LYPD1: variants seen among roughly 807,000 people sequenced by gnomAD.
The protein encoded by LYPD1 is LY6/PLAUR domain containing 1, also known as ly6/PLAUR domain-containing protein 1.
In LYPD1, 14 loss-of-function variants were observed where a neutral mutation model predicts 14.2. That is an observed-to-expected ratio of 0.99 (90% confidence interval 0.65 to 1.54). LYPD1 has a LOEUF of 1.54. LYPD1 is among the 40% of genes most tolerant of loss of function. The pLI is 0.00. For synonymous variants in LYPD1, 85 were observed against 70.6 expected (o/e 1.20, Z -1.02); for missense variants, 165 against 175.7 (o/e 0.94, Z 0.34).
In LYPD1 at chr2:132,668,450, G is replaced by C. The variant is rs758803868; in HGVS notation, c.140C>G (p.Thr47Arg). The change falls in exon 2 of 3, where the codon ACG becomes AGG. Residue 47 changes from threonine (T) to arginine (R), a missense_variant. Transcript: ENST00000397463. Reference protein sequence around the residue: ...CSSPEFIVNCTVNVQDMCQKE... With the variant: ...CSSPEFIVNCRVNVQDMCQKE... ...CTGACACATGTCTTGAACGTTCACC[G>C]TGCAATTCACAATGAACTCGGGGGA... is the stretch of plus-strand genomic sequence containing the variant. 6.2e-7 allele frequency: 1 copy of C among 1,610,206 alleles called. No homozygotes were observed. Among genetic ancestry groups the C allele is most frequent in the Non-Finnish European group, 8.5e-7 (1 of 1,178,338 alleles).
intron 2 of LYPD1, among the ~76,000 whole-genome samples, chr2:132,655,811 G>T (rs951266169): frequency 5.9e-5 from 9 of 152,150 alleles, no homozygotes; most frequent in Non-Finnish European, 1.3e-4. Context: ...ACCGCACCTG[G>T]CCAAGAAGCA....
At position 132,645,617 on chromosome 2, in the gene LYPD1, A is replaced by T; in HGVS notation, c.*428T>A. On this transcript the variant is annotated 3_prime_UTR_variant, in exon 3 of 3. Transcript: ENST00000397463. ...GAGCATGAAGTTTGAATGTCAAGCGAGGGAGCCTTGAGTGGGAACTGGCCC... is the reference window on the plus strand; with the variant it reads ...GAGCATGAAGTTTGAATGTCAAGCGTGGGAGCCTTGAGTGGGAACTGGCCC... 1 of 1,604,354 alleles carries T rather than the reference A, an allele frequency of 6.2e-7. No homozygotes were observed. The highest frequency in any genetic ancestry group is 8.5e-7 in the Non-Finnish European group (1 of 1,174,952).
At chr2:132,667,491 C>T (rs147984070) in intron 2 of LYPD1, among the ~76,000 whole-genome samples, 5 of 152,264 alleles carry the variant, frequency 3.3e-5, no homozygotes, top group East Asian at 3.9e-4. Flanking sequence ...ATCACTTCAC[C>T]GGGCTCTGCA....
intron 2 of LYPD1, among the ~76,000 whole-genome samples, chr2:132,654,386 T>G (rs1210484695): frequency 8.0e-6 from 1 of 125,366 alleles, no homozygotes; most frequent in African/African-American, 3.1e-5. Flanking sequence ...CGTGACAGAG[T>G]GAGACCCTGT....
rs1313371100 is a variant in LYPD1, at chr2:132,669,750, GGCC to G, written c.52+128_52+130del. On this transcript the variant is annotated intron_variant, in intron 1 of 2. Transcript: ENST00000397463. This position sits in a 1 kb window ranked among gnomAD's most constrained non-coding sequence, Gnocchi z 4.3. ...CCTCGCGCCCCGGGGCACCAGTCGC[GGCC>G]GCCAACTCCCGCTGGGCAGCCCCAG... 8 of 1,455,928 alleles carry G rather than the reference GGCC, an allele frequency of 5.5e-6. No individual in the cohort carries two copies. The East Asian group carries it at 2.0e-4, about 36-fold the overall frequency. The allele number at this position is 1,455,928 out of a possible 1,614,324, so 90.2% of individuals were successfully genotyped here.
intron 2 of LYPD1, chr2:132,663,195 A>G (rs1306507027): frequency 6.6e-6 from 1 of 152,240 alleles, no homozygotes; most frequent in Admixed American, 6.5e-5. Flanking sequence ...CGAAGTTGAT[A>G]TGGAAACCCT....
rs1286417914 is a variant in LYPD1 at position 132,669,914 on chromosome 2, C to G, written c.19G>C (p.Ala7Pro). ...AAGAACAATCCGCAAAAAGTTGCCG[C>G]GATGCCTAGGACCCACATTCTCCCG... MWVLGI[A>P]ATFCGLFLLP... is the part of the protein sequence containing the mutation. Residue 7 changes from alanine (A) to proline (P), a missense_variant, in exon 1 of 3, where the codon GCG becomes CCG. Ala to Pro is a conservative substitution (Grantham distance 27, BLOSUM62 -1). Coordinates refer to ENST00000397463, the MANE Select transcript of LYPD1 (RefSeq NM_144586.7). This position sits in a 1 kb window ranked among gnomAD's most constrained non-coding sequence, Gnocchi z 4.3. 1 of 1,612,748 alleles carries G rather than the reference C, an allele frequency of 6.2e-7. No individual in the cohort carries two copies. The highest frequency in any genetic ancestry group is 2.2e-5 in the East Asian group (1 of 44,756).
chr2:132,649,455 A>T (rs1429508925), intron 2 of LYPD1, among the ~76,000 whole-genome samples: 1 of 152,198 alleles, frequency 6.6e-6, no homozygotes, highest in African/African-American at 2.4e-5. Context: ...GGTTCATTGT[A>T]GGCACTTCAG....
Position 132,669,386 on chromosome 2 carries a change from G to T in LYPD1, c.52+495C>A, listed in dbSNP as rs1213055805. 1.3e-5 allele frequency among the ~76,000 whole-genome samples: 2 copies of T among 151,026 alleles called. No homozygotes were observed. The highest frequency in any genetic ancestry group is 4.9e-5 in the African/African-American group (2 of 41,018). On this transcript the variant is annotated intron_variant, in intron 1 of 2. Coordinates refer to ENST00000397463, the MANE Select transcript of LYPD1 (RefSeq NM_144586.7). The surrounding 1 kb of genome is among the most constrained non-coding windows in gnomAD (Gnocchi z 4.3). ...CGGCCTGGCTGTTCTCGGTGTACGC[G>T]CTCCTGTCTAGACCCAACTACCCAC...
At chr2:132,652,672 C>T (rs1022279379) in intron 2 of LYPD1, among the ~76,000 whole-genome samples, 2 of 152,266 alleles carry the variant, frequency 1.3e-5, no homozygotes, top group Non-Finnish European at 2.9e-5. Flanking sequence ...GGCTCTAATC[C>T]GCAGACCAGG....
intron 2 of LYPD1, among the ~76,000 whole-genome samples, chr2:132,657,684 C>A (rs1416014812): frequency 6.6e-6 from 1 of 152,166 alleles, no homozygotes; most frequent in Non-Finnish European, 1.5e-5. Context: ...AACTAGAATT[C>A]TAGAATGGCA....
intron 2 of LYPD1, among the ~76,000 whole-genome samples, chr2:132,650,395 A>G (rs780428026): frequency 1.3e-5 from 2 of 152,244 alleles, no homozygotes; most frequent in Admixed American, 6.5e-5. Context: ...CATGAAGGCA[A>G]CGTGGCAATA....
intron 2 of LYPD1, 25 bp downstream of exon 2, chr2:132,668,375 A>AG (rs748418120): frequency 1.3e-6 from 2 of 1,594,404 alleles, no homozygotes; most frequent in East Asian, 2.3e-5. Flanking sequence ...CTTAAGAGCG[A>AG]GGGGGAGGGC....
upstream of LYPD1, among the ~76,000 whole-genome samples, chr2:132,670,412 G>A (rs991827921): frequency 1.3e-5 from 2 of 152,132 alleles, no homozygotes; most frequent in Non-Finnish European, 2.9e-5. The surrounding 1 kb of genome is among the most constrained non-coding windows in gnomAD (Gnocchi z 4.5). Context: ...GGGCGGGAGA[G>A]AACTGGTAGT....
chr2:132,650,440 C>G (rs1011133557), intron 2 of LYPD1, among the ~76,000 whole-genome samples: 15 of 152,120 alleles, frequency 9.9e-5, no homozygotes, highest in African/African-American at 3.4e-4. Flanking sequence ...ACTCTGTGAC[C>G]TAGCAATTCC....
Position 132,669,797 on chromosome 2 carries a change from G to T in LYPD1, c.52+84C>A. On this transcript the variant is annotated intron_variant, in intron 1 of 2. Transcript: ENST00000397463. This position sits in a 1 kb window ranked among gnomAD's most constrained non-coding sequence, Gnocchi z 4.3. ...GCCCCAGCGCAGGGCTGGCCCCGAG[G>T]TGGGCGCCTTGGGGGCAAAAGGGCT... 3 of 1,570,858 alleles carry T rather than the reference G, an allele frequency of 1.9e-6. No individual in the cohort carries two copies. The highest frequency in any genetic ancestry group is 2.6e-6 in the Non-Finnish European group (3 of 1,160,930).
intron 2 of LYPD1, among the ~76,000 whole-genome samples, chr2:132,652,085 G>C (rs1030527253): frequency 6.6e-6 from 1 of 152,174 alleles, no homozygotes; most frequent in African/African-American, 2.4e-5. Flanking sequence ...GGTAGGAGAA[G>C]GTCATGACCA....
chr2:132,664,163 T>C (rs1259409286), intron 2 of LYPD1, among the ~76,000 whole-genome samples: 1 of 152,026 alleles, frequency 6.6e-6, no homozygotes, highest in Non-Finnish European at 1.5e-5. Context: ...GGACTATGAT[T>C]AGCAGCACTG....
chr2:132,659,540 A>G (rs1297061915), intron 2 of LYPD1, among the ~76,000 whole-genome samples: 2 of 152,248 alleles, frequency 1.3e-5, no homozygotes, highest in Non-Finnish European at 2.9e-5. Flanking sequence ...AACACTGAAC[A>G]AAGATGAAAT....
Sources: allele counts gnomAD v4.1 joint callset (sites outside exome capture counted in the v4.1 genomes callset), GRCh38; gene constraint gnomAD v4.1.1; non-coding constraint Gnocchi (gnomAD v3.1); transcripts MANE v1.5; gene names NCBI Gene and HGNC (gene_info 2026-07-23, HGNC 2026-07-21).